Variants in SCML2 observed in about 807,000 individuals in gnomAD.
SCML2 encodes Scm polycomb group protein like 2.
Under a neutral mutation model 48.4 loss-of-function variants are expected in SCML2, and 6 were observed. The observed-to-expected ratio is 0.12, with a 90% confidence interval of 0.07 to 0.24. SCML2 has a LOEUF of 0.24. Ranked by LOEUF, SCML2 falls within the 10% of genes least tolerant of loss-of-function variation. SCML2 has a pLI of 1.00. For synonymous variants in SCML2, 181 were observed against 189.5 expected (o/e 0.95, Z 0.37); for missense variants, 377 against 528.2 (o/e 0.71, Z 2.81).
At chrX:18,298,576 G>A (rs758958628) in intron 7 of SCML2, among the ~76,000 whole-genome samples, 1 of 111,797 alleles carries the variant, frequency 8.9e-6, no homozygotes, top group Admixed American at 9.4e-5. Flanking sequence ...ATGAAACTAG[G>A]CCAGGCGTGG....
At chrX:18,264,566 G>C (rs1927194988) in intron 8 of SCML2, among the ~76,000 whole-genome samples, 1 of 110,060 alleles carries the variant, frequency 9.1e-6, no homozygotes, top group Non-Finnish European at 1.9e-5. Context: ...ACTTGGGTCT[G>C]TCTCAGTTGA....
rs977688001 is a variant in SCML2 at position 18,241,464 on chromosome X, G to A, written c.1975-85C>T. 1.3e-5 allele frequency: 8 copies of A among 636,779 alleles called. No homozygotes were observed. The African/African-American group carries it at 1.6e-4, about 13-fold the overall frequency. 52.5% of individuals were successfully genotyped at this position (636,779 alleles called of 1,213,427 possible). On this transcript the variant is annotated intron_variant, in intron 14 of 14. Coordinates refer to ENST00000251900, the MANE Select transcript of SCML2 (RefSeq NM_006089.3). ...TAAGAACATGTAAAATACAGCAGCT[G>A]TATACTCCGGATATATATTCTCTGA...
At chrX:18,246,972 T>C (rs1926469945) in intron 12 of SCML2, 144 bp from the exon 13 acceptor site, 1 of 587,412 alleles carries the variant, frequency 1.7e-6, no homozygotes, top group African/African-American at 2.3e-5. Flanking sequence ...AGTTCATGGC[T>C]ATCCCCTCCT....
chrX:18,286,531 C>G (rs764368592), intron 7 of SCML2, among the ~76,000 whole-genome samples: 1 of 111,293 alleles, frequency 9.0e-6, no homozygotes, highest in African/African-American at 3.3e-5. Context: ...ACTGACTCAG[C>G]AGAACATAAT....
intron 10 of SCML2, among the ~76,000 whole-genome samples, chrX:18,257,584 T>C (rs1389363417): frequency 9.0e-6 from 1 of 110,909 alleles, no homozygotes; most frequent in African/African-American, 3.3e-5. Context: ...TGTTCTATTA[T>C]ACTAATATAA....
intron 1 of SCML2, among the ~76,000 whole-genome samples, chrX:18,343,760 C>CAA (rs1196514399): frequency 1.3e-4 from 5 of 38,442 alleles, no homozygotes; most frequent in African/African-American, 1.9e-4. Context: ...GACTCTGTCT[C>CAA]AAAAAAAAAA....
intron 1 of SCML2, among the ~76,000 whole-genome samples, chrX:18,354,014 G>A (rs1930457215): frequency 1.8e-5 from 2 of 111,742 alleles, no homozygotes; most frequent in South Asian, 7.3e-4. Flanking sequence ...CGCGCATTCC[G>A]GTCCCGCTGC....
At chrX:18,302,357 T>G (rs1356125929) in intron 7 of SCML2, among the ~76,000 whole-genome samples, 1 of 111,202 alleles carries the variant, frequency 9.0e-6, no homozygotes, top group Non-Finnish European at 1.9e-5. Context: ...AGTGATCTCC[T>G]ACATTTACGT....
chrX:18,302,178 A>G (rs1928613801), intron 7 of SCML2, among the ~76,000 whole-genome samples: 2 of 109,456 alleles, frequency 1.8e-5, no homozygotes, highest in Non-Finnish European at 3.8e-5. Context: ...TACATTTCCT[A>G]TTTACTCCTT....
chrX:18,256,649 C>T (rs1231022924), intron 11 of SCML2, among the ~76,000 whole-genome samples, 199 bp downstream of exon 11: 1 of 111,990 alleles, frequency 8.9e-6, no homozygotes, highest in Non-Finnish European at 1.9e-5. Flanking sequence ...ATAAGTAAGC[C>T]ATGGGCTTTG....
At chrX:18,353,146 A>C (rs1489316562) in intron 1 of SCML2, among the ~76,000 whole-genome samples, 3 of 110,715 alleles carry the variant, frequency 2.7e-5, no homozygotes, top group South Asian at 3.7e-4. Flanking sequence ...AAAAAAAAAA[A>C]AAAACACACA....
chrX:18,297,951 T>C (rs940438009), intron 7 of SCML2, among the ~76,000 whole-genome samples: 1 of 111,432 alleles, frequency 9.0e-6, no homozygotes, highest in Non-Finnish European at 1.9e-5. Flanking sequence ...GGAAGCTGTA[T>C]TGAGCCGTGA....
intron 7 of SCML2, among the ~76,000 whole-genome samples, chrX:18,286,946 A>G (rs1443470176): frequency 9.1e-6 from 1 of 110,134 alleles, no homozygotes; most frequent in African/African-American, 3.3e-5. Flanking sequence ...TGGACCTTGC[A>G]CCAATTTCCC....
intron 7 of SCML2, among the ~76,000 whole-genome samples, chrX:18,301,384 C>A (rs762302441): frequency 1.8e-5 from 2 of 108,272 alleles, no homozygotes; most frequent in African/African-American, 6.8e-5. Flanking sequence ...GGTGACAGAG[C>A]GAGACTCCGT....
chrX:18,252,779 A>G (rs1420357512), intron 11 of SCML2, among the ~76,000 whole-genome samples: 1 of 112,395 alleles, frequency 8.9e-6, no homozygotes, highest in African/African-American at 3.2e-5. Flanking sequence ...GGCCATACCT[A>G]GGCAAAAATA....
intron 3 of SCML2, among the ~76,000 whole-genome samples, chrX:18,327,288 C>G (rs1179262921): frequency 9.0e-6 from 1 of 110,695 alleles, no homozygotes; most frequent in Non-Finnish European, 1.9e-5. Flanking sequence ...CGCTTGAACC[C>G]GGAAGGTGGA....
At chrX:18,305,271 T>A in intron 6 of SCML2, 56 bp from the exon 7 acceptor site, 1 of 1,099,086 alleles carries the variant, frequency 9.1e-7, no homozygotes. Context: ...TTAAGACTCA[T>A]GTGCTCGAAG....
chrX:18,247,535 A>G (rs1165478563), intron 12 of SCML2, among the ~76,000 whole-genome samples: 1 of 112,034 alleles, frequency 8.9e-6, no homozygotes, highest in Non-Finnish European at 1.9e-5. Context: ...TTAGCAATAC[A>G]AAAGTGAAGG....
At chrX:18,296,809 A>C (rs1928409921) in intron 7 of SCML2, among the ~76,000 whole-genome samples, 1 of 111,526 alleles carries the variant, frequency 9.0e-6, no homozygotes, top group Non-Finnish European at 1.9e-5. Context: ...TTCACTGCTA[A>C]ATTCTACCAA....
Sources: allele counts gnomAD v4.1 joint callset (sites outside exome capture counted in the v4.1 genomes callset), GRCh38; gene constraint gnomAD v4.1.1; transcripts MANE v1.5; gene names NCBI Gene and HGNC (gene_info 2026-07-23, HGNC 2026-07-21).